Variants in EYS observed in about 807,000 individuals in gnomAD.
The protein encoded by EYS is EGF-like photoreceptor maintenance factor, also known as protein eyes shut homolog.
A neutral mutation model predicts 282.1 loss-of-function variants in EYS; 250 were observed. The observed-to-expected ratio is 0.89, with a 90% CI of 0.80 to 0.98. EYS has a LOEUF of 0.98. EYS is among the 50% of genes least tolerant of loss of function. The pLI is 0.00. For missense variants in EYS, 4,016 were observed against 3,709.0 expected (o/e 1.08, Z -2.15); for synonymous variants, 1,355 against 1,282.9 (o/e 1.06, Z -1.20).
chr6:65,463,322 A>G (rs1046061635), intron 5 of EYS, among the ~76,000 whole-genome samples: 1 of 152,052 alleles, frequency 6.6e-6, no homozygotes, highest in Non-Finnish European at 1.5e-5. Flanking sequence ...TCATTGCCTG[A>G]CACCCCCAAA....
At chr6:64,976,901 T>G (rs1770490569) in intron 14 of EYS, among the ~76,000 whole-genome samples, 1 of 151,930 alleles carries the variant, frequency 6.6e-6, no homozygotes. Flanking sequence ...TATTTTTTAT[T>G]ATTTTTTTTG....
In EYS at chr6:64,656,560, G is replaced by C. The variant is rs183987941; in HGVS notation, c.3444-30315C>G. 3.3e-4 allele frequency among the ~76,000 whole-genome samples: 51 copies of C among 152,268 alleles called. No homozygotes were observed. In the East Asian group the frequency reaches 9.1e-3, roughly 27 times the overall value. On this transcript the variant is annotated intron_variant, in intron 22 of 42. Coordinates refer to ENST00000503581, the MANE Select transcript of EYS (RefSeq NM_001142800.2). ...AGTAAGTTGGTAGATGAAAGAGAAT[G>C]TAGAAAATGAAATTAAATCAACTAT...
At chr6:64,780,045 TCCA>T (rs1458471206) in intron 22 of EYS, among the ~76,000 whole-genome samples, 1 of 152,124 alleles carries the variant, frequency 6.6e-6, no homozygotes, top group Non-Finnish European at 1.5e-5. Flanking sequence ...ATGAACACAA[TCCA>T]GGGCTTGGTT....
chr6:65,132,880 C>A (rs1276400793), intron 12 of EYS, among the ~76,000 whole-genome samples: 5 of 151,786 alleles, frequency 3.3e-5, no homozygotes, highest in African/African-American at 1.2e-4. Flanking sequence ...GATAAAAAAA[C>A]CAACGTACGA....
chr6:65,368,128 A>T (rs1411287904), intron 8 of EYS, among the ~76,000 whole-genome samples: 1 of 151,552 alleles, frequency 6.6e-6, no homozygotes, highest in Non-Finnish European at 1.5e-5. Flanking sequence ...AAAAAAAACC[A>T]TCAGATATTG....
intron 32 of EYS, among the ~76,000 whole-genome samples, chr6:64,074,284 T>C (rs1325799594): frequency 2.0e-5 from 3 of 151,430 alleles, no homozygotes; most frequent in African/African-American, 7.3e-5. Flanking sequence ...TTTAGAGAGA[T>C]AATTCTAAGA....
chr6:63,946,177 A>C (rs1194609648), intron 35 of EYS, among the ~76,000 whole-genome samples: 1 of 152,206 alleles, frequency 6.6e-6, no homozygotes, highest in Non-Finnish European at 1.5e-5. Context: ...CACACATCCC[A>C]GAGGCCCAGC....
intron 14 of EYS, among the ~76,000 whole-genome samples, chr6:64,995,473 AG>A (rs1771221861): frequency 1.3e-5 from 2 of 152,126 alleles, no homozygotes; most frequent in South Asian, 4.1e-4. Context: ...TTTAGGCCCC[AG>A]ACACAATATC....
intron 26 of EYS, among the ~76,000 whole-genome samples, chr6:64,451,636 C>A (rs183677914): frequency 6.6e-6 from 1 of 152,134 alleles, no homozygotes; most frequent in African/African-American, 2.4e-5. Flanking sequence ...CCGAATCCAG[C>A]AACACATCAA....
chr6:64,203,846 G>T (rs1002403718), intron 31 of EYS, among the ~76,000 whole-genome samples: 1 of 152,044 alleles, frequency 6.6e-6, no homozygotes. Flanking sequence ...ATGTACGAAT[G>T]AACAAGTACT....
intron 23 of EYS, 73 bp downstream of exon 23, chr6:64,626,048 A>G: frequency 1.1e-6 from 1 of 887,294 alleles, no homozygotes; most frequent in East Asian, 2.7e-5. Flanking sequence ...TTATACATAC[A>G]TGTCCATATA....
chr6:64,864,963 C>A (rs1766380015), intron 19 of EYS, among the ~76,000 whole-genome samples: 1 of 151,884 alleles, frequency 6.6e-6, no homozygotes, highest in African/African-American at 2.4e-5. Flanking sequence ...ACCTGAGAGG[C>A]AGAGGTTGCA....
At chr6:64,758,439 T>G (rs1295895265) in intron 22 of EYS, among the ~76,000 whole-genome samples, 2 of 152,122 alleles carry the variant, frequency 1.3e-5, no homozygotes, top group Non-Finnish European at 2.9e-5. Context: ...GGTGTTTGGT[T>G]TTTTTTGATT....
At chr6:65,373,056 T>A (rs1405024674) in intron 8 of EYS, among the ~76,000 whole-genome samples, 1 of 152,170 alleles carries the variant, frequency 6.6e-6, no homozygotes, top group Non-Finnish European at 1.5e-5. Context: ...TGGTTTATTT[T>A]CTTATAGCTT....
chr6:65,339,380 G>C (rs1770113161), intron 10 of EYS, among the ~76,000 whole-genome samples: 1 of 151,002 alleles, frequency 6.6e-6, no homozygotes, highest in East Asian at 2.0e-4. Flanking sequence ...AGTCACCACG[G>C]TTCAAAAATA....
At chr6:64,568,421 G>A (rs975708028) in intron 26 of EYS, among the ~76,000 whole-genome samples, 6 of 152,176 alleles carry the variant, frequency 3.9e-5, no homozygotes, top group Admixed American at 3.3e-4. Context: ...AAACGTAATA[G>A]TTTAAAATAC....
chr6:64,259,954 A>AT (rs1020785187), intron 30 of EYS, among the ~76,000 whole-genome samples: 48 of 151,772 alleles, frequency 3.2e-4, no homozygotes, highest in Middle Eastern at 3.4e-3. Flanking sequence ...ATATTCTCTG[A>AT]TTTTTTTTCC....
intron 35 of EYS, among the ~76,000 whole-genome samples, chr6:63,943,407 T>C (rs1389837957): frequency 6.6e-6 from 1 of 152,208 alleles, no homozygotes; most frequent in Non-Finnish European, 1.5e-5. Context: ...GTAGTTTACA[T>C]TAAAGTTTAC....
intron 28 of EYS, among the ~76,000 whole-genome samples, chr6:64,416,464 G>T (rs1774060173): frequency 6.6e-6 from 1 of 150,870 alleles, no homozygotes; most frequent in African/African-American, 2.4e-5. Context: ...ATATTTTAGT[G>T]TATGTGAATG....
Sources: allele counts gnomAD v4.1 joint callset (sites outside exome capture counted in the v4.1 genomes callset), GRCh38; gene constraint gnomAD v4.1.1; transcripts MANE v1.5; gene names NCBI Gene and HGNC (gene_info 2026-07-23, HGNC 2026-07-21).